Variants in ARHGAP22 observed in about 807,000 individuals in gnomAD.
ARHGAP22 encodes the protein Rho GTPase activating protein 22, also known as rho GTPase-activating protein 22.
A neutral mutation model predicts 59.1 loss-of-function variants in ARHGAP22; 48 were observed. The observed-to-expected ratio is 0.81, with a 90% CI of 0.64 to 1.03. The LOEUF is 1.03. Ranked by LOEUF, ARHGAP22 falls within the 50% of genes least tolerant of loss-of-function variation. The pLI, the probability that ARHGAP22 is intolerant of heterozygous loss-of-function variation, is 0.00. For synonymous variants in ARHGAP22, 445 were observed against 416.4 expected (o/e 1.07, Z -0.84); for missense variants, 1,015 against 958.7 (o/e 1.06, Z -0.78).
upstream of ARHGAP22, among the ~76,000 whole-genome samples, chr10:48,606,630 G>C (rs1446474401): frequency 9.9e-5 from 15 of 152,196 alleles, no homozygotes; most frequent in Admixed American, 9.8e-4. Context: ...CCTTGCTCCT[G>C]TGTGTTCCTG....
At chr10:48,445,969 C>G (rs977770568), downstream of ARHGAP22, 2 of 188,760 alleles carry the variant, frequency 1.1e-5, no homozygotes, top group African/African-American at 4.7e-5. Context: ...CTTGGAGAAA[C>G]AGGAGTGGTC....
At chr10:48,462,165 C>T (rs867256982) in intron 4 of ARHGAP22, among the ~76,000 whole-genome samples, 1 of 145,918 alleles carries the variant, frequency 6.9e-6, no homozygotes, top group Middle Eastern at 3.4e-3. Context: ...TGTGTGTGCA[C>T]ATGTGCTGGA....
At chr10:48,630,174 C>T (rs1301486535) in intron 1 of ARHGAP22, among the ~76,000 whole-genome samples, 3 of 152,172 alleles carry the variant, frequency 2.0e-5, no homozygotes, top group Non-Finnish European at 4.4e-5. Flanking sequence ...TCACTGCAAC[C>T]TCCACCTCCC....
At chr10:48,575,926 C>T (rs1407802944) in intron 2 of ARHGAP22, among the ~76,000 whole-genome samples, 2 of 152,330 alleles carry the variant, frequency 1.3e-5, no homozygotes, top group East Asian at 3.9e-4. Context: ...CAGCCTGGTC[C>T]TGGTCAGCCC....
chr10:48,640,223 A>G (rs1337023024), intron 1 of ARHGAP22, among the ~76,000 whole-genome samples: 1 of 152,186 alleles, frequency 6.6e-6, no homozygotes, highest in Non-Finnish European at 1.5e-5. Context: ...ACTTTCAGAG[A>G]CCTGTAAAGC....
intron 3 of ARHGAP22, among the ~76,000 whole-genome samples, chr10:48,512,965 C>G (rs1174238738): frequency 6.6e-6 from 1 of 152,218 alleles, no homozygotes; most frequent in Non-Finnish European, 1.5e-5. Flanking sequence ...ATTCCTAGAG[C>G]ACTGTAAAAA....
At chr10:48,640,169 T>C (rs1428953365) in intron 1 of ARHGAP22, among the ~76,000 whole-genome samples, 3 of 152,090 alleles carry the variant, frequency 2.0e-5, no homozygotes, top group Non-Finnish European at 4.4e-5. Context: ...TTAGCGAACC[T>C]GAAGAACACA....
At chr10:48,544,601 A>G (rs1251829311) in intron 3 of ARHGAP22, among the ~76,000 whole-genome samples, 1 of 152,276 alleles carries the variant, frequency 6.6e-6, no homozygotes, top group African/African-American at 2.4e-5. Flanking sequence ...ACTGACATTC[A>G]GTTCCATTGC....
chr10:48,531,785 T>C (rs185526947), intron 3 of ARHGAP22, among the ~76,000 whole-genome samples: 8 of 152,358 alleles, frequency 5.3e-5, no homozygotes, highest in Admixed American at 2.6e-4. Context: ...GCCTGTGATC[T>C]TAACAATTCT....
At chr10:48,512,369 C>G (rs1192921970) in intron 3 of ARHGAP22, among the ~76,000 whole-genome samples, 2 of 152,210 alleles carry the variant, frequency 1.3e-5, no homozygotes, top group East Asian at 3.8e-4. Flanking sequence ...CCTCAACTTC[C>G]TCATCTCTAA....
intron 3 of ARHGAP22, among the ~76,000 whole-genome samples, chr10:48,491,814 T>A (rs1435843353): frequency 6.6e-6 from 1 of 152,160 alleles, no homozygotes; most frequent in Non-Finnish European, 1.5e-5. Context: ...CCCAGAAATG[T>A]TTAGAAACAG....
chr10:48,486,997 A>G (rs577275294), intron 3 of ARHGAP22, among the ~76,000 whole-genome samples: 2 of 152,252 alleles, frequency 1.3e-5, no homozygotes, highest in African/African-American at 4.8e-5. Context: ...TTCACTAGTT[A>G]TGGGTAATTT....
chr10:48,580,658 C>G (rs183554223), intron 2 of ARHGAP22, among the ~76,000 whole-genome samples: 10 of 152,274 alleles, frequency 6.6e-5, no homozygotes, highest in African/African-American at 2.2e-4. Context: ...AAAGCCAAGA[C>G]ACTGTTGAAG....
chr10:48,451,273 C>G (rs543459171), intron 8 of ARHGAP22, 133 bp from the exon 9 acceptor site: 2 of 1,229,328 alleles, frequency 1.6e-6, no homozygotes, highest in Admixed American at 2.0e-5. Flanking sequence ...CTCAAGGGAG[C>G]CTTCATCCGC....
rs113396084 is a variant in ARHGAP22 at position 48,500,795 on chromosome 10, G to T, written c.323-21031C>A. 2.0e-3 allele frequency among the ~76,000 whole-genome samples: 307 copies of T among 151,830 alleles called. 2 individuals carry two copies. The highest frequency in any genetic ancestry group is 7.2e-3 in the African/African-American group (296 of 41,362). ...AGTCCTAGCTACTCGGGAGGCTGAG[G>T]CAGGAGAATTCCTTGAACTCAGGAG... On this transcript the variant is annotated intron_variant, in intron 3 of 9. Coordinates refer to ENST00000249601, the MANE Select transcript of ARHGAP22 (RefSeq NM_021226.4).
chr10:48,609,037 A>G (rs1349134824), upstream of ARHGAP22, among the ~76,000 whole-genome samples: 1 of 152,202 alleles, frequency 6.6e-6, no homozygotes, highest in Non-Finnish European at 1.5e-5. Flanking sequence ...TTGAAATTGA[A>G]TGTTGTGGGA....
At chr10:48,544,202 T>C (rs1329593271) in intron 3 of ARHGAP22, among the ~76,000 whole-genome samples, 1 of 152,194 alleles carries the variant, frequency 6.6e-6, no homozygotes, top group African/African-American at 2.4e-5. Context: ...ACATGATGAT[T>C]ACAGCTGTCT....
intron 4 of ARHGAP22, among the ~76,000 whole-genome samples, chr10:48,478,473 G>A (rs1291743382): frequency 4.6e-5 from 7 of 152,364 alleles, no homozygotes; most frequent in African/African-American, 1.7e-4. Context: ...TGTGGCTTGT[G>A]AAATCTGGAG....
intron 3 of ARHGAP22, among the ~76,000 whole-genome samples, chr10:48,518,731 G>A (rs568801593): frequency 6.6e-6 from 1 of 152,326 alleles, no homozygotes; most frequent in East Asian, 1.9e-4. Flanking sequence ...AGGCCACACT[G>A]GCTACTGGAG....
Sources: allele counts gnomAD v4.1 joint callset (sites outside exome capture counted in the v4.1 genomes callset), GRCh38; gene constraint gnomAD v4.1.1; transcripts MANE v1.5; gene names NCBI Gene and HGNC (gene_info 2026-07-23, HGNC 2026-07-21).